Variants in TNFSF4 observed in about 807,000 individuals in gnomAD.
The protein encoded by TNFSF4 is tumor necrosis factor ligand superfamily member 4.
TNFSF4 carries 4 observed loss-of-function variants against 7.3 expected under a neutral mutation model. That is an observed-to-expected ratio of 0.55 (90% CI 0.27 to 1.25). TNFSF4 has a LOEUF of 1.25. TNFSF4 is among the 50% of genes most tolerant of loss of function. The probability of loss-of-function intolerance (pLI) is 0.12; values close to 1 mark genes in which losing one functional copy is unlikely to be tolerated. For missense variants in TNFSF4, 181 were observed against 208.8 expected, an observed-to-expected ratio of 0.87 and a Z score of 0.82; for synonymous variants, 76 against 83.7, an observed-to-expected ratio of 0.91 and a Z score of 0.50.
At chr1:173,177,530 C>A in the TNFSF4 span, among the ~76,000 whole-genome samples, 1 of 152,112 alleles carries the variant, frequency 6.6e-6, no homozygotes, top group Non-Finnish European at 1.5e-5. Flanking sequence ...TACCAAACTT[C>A]CATGACACAC....
At chr1:173,393,006 G>A in the TNFSF4 span, among the ~76,000 whole-genome samples, 1 of 152,110 alleles carries the variant, frequency 6.6e-6, no homozygotes, top group Non-Finnish European at 1.5e-5. Flanking sequence ...AATGTTTGGT[G>A]GGTAGGGTGG....
At chr1:173,280,004 T>C in the TNFSF4 span, among the ~76,000 whole-genome samples, 2 of 152,126 alleles carry the variant, frequency 1.3e-5, no homozygotes, top group South Asian at 4.1e-4. Context: ...TTTTCAAACT[T>C]CTTGGTCTTC....
the TNFSF4 span, among the ~76,000 whole-genome samples, chr1:173,220,798 ATGT>A: frequency 6.6e-6 from 1 of 152,194 alleles, no homozygotes; most frequent in Non-Finnish European, 1.5e-5. Flanking sequence ...TGAAATATAA[ATGT>A]TGTTTAAGCC....
At chr1:173,375,366 G>C in the TNFSF4 span, among the ~76,000 whole-genome samples, 4 of 152,216 alleles carry the variant, frequency 2.6e-5, no homozygotes, top group Non-Finnish European at 5.9e-5. Flanking sequence ...GAAGTAGCTA[G>C]AGCAGTCATC....
the TNFSF4 span, among the ~76,000 whole-genome samples, chr1:173,265,175 G>C: frequency 6.6e-6 from 1 of 152,206 alleles, no homozygotes; most frequent in Non-Finnish European, 1.5e-5. Context: ...AGATGAGTGA[G>C]AGATGTGAAT....
At chr1:173,330,305 T>TTAA in the TNFSF4 span, among the ~76,000 whole-genome samples, 11,377 of 150,048 alleles carry the variant, frequency 0.076, 1,419 homozygotes, top group African/African-American at 0.26. Context: ...ATACTAAATA[T>TTAA]TAATTGACAA....
chr1:173,347,623 T>C, the TNFSF4 span, among the ~76,000 whole-genome samples: 3 of 152,092 alleles, frequency 2.0e-5, no homozygotes, highest in Non-Finnish European at 4.4e-5. Flanking sequence ...CAGAAAGAAA[T>C]CATTTTATTT....
chr1:173,178,205 T>C, the TNFSF4 span, among the ~76,000 whole-genome samples: 1 of 152,222 alleles, frequency 6.6e-6, no homozygotes, highest in Non-Finnish European at 1.5e-5. Context: ...CTTTAGTTAC[T>C]TTAGCTGTCT....
chr1:173,199,176 A>C (rs1166395355), intron 1 of TNFSF4, among the ~76,000 whole-genome samples: 1 of 152,150 alleles, frequency 6.6e-6, no homozygotes, highest in African/African-American at 2.4e-5. Context: ...GAGGGCAGGG[A>C]GGACCACGTC....
chr1:173,230,219 T>G, the TNFSF4 span, among the ~76,000 whole-genome samples: 56 of 152,066 alleles, frequency 3.7e-4, 1 homozygote, highest in Non-Finnish European at 3.4e-4. Context: ...AGAACAGAAA[T>G]TATAACAGTC....
chr1:173,439,410 C>T, the TNFSF4 span, among the ~76,000 whole-genome samples: 105 of 152,324 alleles, frequency 6.9e-4, 2 homozygotes, highest in East Asian at 0.02. Context: ...AAATTAGACT[C>T]TGCCATAGTG....
the TNFSF4 span, among the ~76,000 whole-genome samples, chr1:173,276,968 CA>C: frequency 6.6e-6 from 1 of 152,076 alleles, no homozygotes; most frequent in South Asian, 2.1e-4. Context: ...TACAAGTACA[CA>C]AAATTACACT....
the TNFSF4 span, among the ~76,000 whole-genome samples, chr1:173,303,902 G>T: frequency 6.6e-6 from 1 of 151,806 alleles, no homozygotes; most frequent in East Asian, 1.9e-4. Flanking sequence ...ACTTTTCAAT[G>T]ACTACACAGT....
the TNFSF4 span, among the ~76,000 whole-genome samples, chr1:173,275,700 C>A: frequency 6.6e-6 from 1 of 152,092 alleles, no homozygotes; most frequent in Non-Finnish European, 1.5e-5. Context: ...AAACATGGAA[C>A]CCCTGGGGGA....
chr1:173,379,319 G>A, the TNFSF4 span, among the ~76,000 whole-genome samples: 233 of 150,782 alleles, frequency 1.5e-3, 1 homozygote, highest in Non-Finnish European at 2.7e-3. Context: ...GTTCTAGAAG[G>A]ACTAAGGAGA....
chr1:173,438,962 A>G, the TNFSF4 span, among the ~76,000 whole-genome samples: 1 of 152,216 alleles, frequency 6.6e-6, no homozygotes, highest in Admixed American at 6.5e-5. Flanking sequence ...TCATCTAAAG[A>G]AGTTAAATAA....
the TNFSF4 span, among the ~76,000 whole-genome samples, chr1:173,376,557 T>C: frequency 5.3e-5 from 8 of 152,174 alleles, no homozygotes; most frequent in Non-Finnish European, 8.8e-5. Context: ...AACACACCAA[T>C]CAGTGCTCTG....
chr1:173,200,082 G>A (rs2101996048), intron 1 of TNFSF4, among the ~76,000 whole-genome samples: 1 of 152,100 alleles, frequency 6.6e-6, no homozygotes, highest in East Asian at 1.9e-4. Flanking sequence ...CCTTTATGAT[G>A]GCATAAATCC....
the TNFSF4 span, among the ~76,000 whole-genome samples, chr1:173,328,870 G>A: frequency 6.6e-6 from 1 of 151,936 alleles, no homozygotes; most frequent in African/African-American, 2.4e-5. Context: ...AAAAAAAAAT[G>A]TTTTGTACCT....
Sources: allele counts gnomAD v4.1 joint callset (sites outside exome capture counted in the v4.1 genomes callset), GRCh38; gene constraint gnomAD v4.1.1; transcripts MANE v1.5; gene names NCBI Gene and HGNC (gene_info 2026-07-23, HGNC 2026-07-21).